KIF18A: variants seen among roughly 807,000 people sequenced by gnomAD.
The protein encoded by KIF18A is kinesin family member 18A.
A neutral mutation model predicts 103.3 loss-of-function variants in KIF18A; 67 were observed. The observed-to-expected ratio is 0.65, with a 90% CI of 0.53 to 0.79. The LOEUF (loss-of-function observed/expected upper bound fraction) is 0.79, where lower values mean the gene tolerates loss of function less well. Ranked by LOEUF, KIF18A falls within the 30% of genes least tolerant of loss-of-function variation. The probability of loss-of-function intolerance (pLI) is 0.00; values close to 1 mark genes in which losing one functional copy is unlikely to be tolerated. For missense variants in KIF18A, 1,032 were observed against 1,062.5 expected (o/e 0.97, Z 0.40); for synonymous variants, 367 against 355.5 (o/e 1.03, Z -0.36).
At chr11:28,036,761 AT>A in intron 13 of KIF18A, 97 bp from the exon 14 acceptor site, 2 of 655,066 alleles carry the variant, frequency 3.1e-6, no homozygotes, top group African/African-American at 1.8e-5. Flanking sequence ...ATAATAAGGT[AT>A]TTTTATGCCA....
chr11:28,046,699 TAAAAGAAAAAAA>T (rs1250208611), intron 13 of KIF18A, among the ~76,000 whole-genome samples: 2 of 37,316 alleles, frequency 5.4e-5, no homozygotes, highest in Non-Finnish European at 1.2e-4. Flanking sequence ...AGTATAATAA[TAAAAGAAAAAAA>T]AAAAGAAAAA....
At chr11:28,039,732 A>G (rs973542904) in intron 13 of KIF18A, among the ~76,000 whole-genome samples, 2 of 151,792 alleles carry the variant, frequency 1.3e-5, no homozygotes, top group African/African-American at 4.8e-5. Context: ...TTACAGTGAT[A>G]TATCTTTAGC....
At chr11:28,087,939 A>T (rs1317544338) in intron 6 of KIF18A, among the ~76,000 whole-genome samples, 1 of 152,186 alleles carries the variant, frequency 6.6e-6, no homozygotes, top group Non-Finnish European at 1.5e-5. Context: ...ATTTTTACAA[A>T]TATCTATGTT....
intron 6 of KIF18A, 82 bp from the exon 7 acceptor site, chr11:28,084,890 G>A: frequency 9.4e-7 from 1 of 1,069,496 alleles, no homozygotes. Flanking sequence ...TCACTGTGGG[G>A]GGAGGATTAC....
intron 10 of KIF18A, among the ~76,000 whole-genome samples, chr11:28,069,702 T>G (rs1296295691): frequency 6.6e-6 from 1 of 152,106 alleles, no homozygotes; most frequent in Non-Finnish European, 1.5e-5. Context: ...TTTTTTTTTT[T>G]TTGGCGTTAA....
chr11:28,046,022 A>G (rs999085978), intron 13 of KIF18A, among the ~76,000 whole-genome samples: 1 of 151,568 alleles, frequency 6.6e-6, no homozygotes, highest in African/African-American at 2.4e-5. Context: ...TAGAATGGCA[A>G]TCATTAAAAA....
intron 15 of KIF18A, among the ~76,000 whole-genome samples, chr11:28,034,697 C>T (rs960506412): frequency 2.6e-5 from 4 of 151,876 alleles, no homozygotes; most frequent in South Asian, 4.1e-4. Context: ...AGTAAGACAG[C>T]TGATAGCTCT....
At chr11:28,027,791 C>T (rs1850340502) in intron 15 of KIF18A, among the ~76,000 whole-genome samples, 1 of 151,912 alleles carries the variant, frequency 6.6e-6, no homozygotes, top group Admixed American at 6.6e-5. Flanking sequence ...CAATACCAAT[C>T]TTACTCAAAC....
chr11:28,052,381 C>T (rs919064480), intron 13 of KIF18A, among the ~76,000 whole-genome samples: 1 of 152,084 alleles, frequency 6.6e-6, no homozygotes. Context: ...TCTCTCTGAT[C>T]TCCTCACTAC....
At chr11:28,098,111 A>T in intron 1 of KIF18A, 118 bp from the exon 2 acceptor site, 1 of 559,596 alleles carries the variant, frequency 1.8e-6, no homozygotes, top group Non-Finnish European at 3.1e-6. Flanking sequence ...CACTAGGTAA[A>T]CACTGGGGGA....
intron 13 of KIF18A, among the ~76,000 whole-genome samples, chr11:28,048,419 CTT>C (rs1040278279): frequency 1.3e-5 from 2 of 152,008 alleles, no homozygotes; most frequent in African/African-American, 4.8e-5. Flanking sequence ...TTAAAAATGA[CTT>C]AAATTCATAT....
chr11:28,052,769 G>C (rs1850726481), intron 13 of KIF18A, among the ~76,000 whole-genome samples: 1 of 151,948 alleles, frequency 6.6e-6, no homozygotes, highest in Admixed American at 6.6e-5. Context: ...CCTATCATCA[G>C]ACAAGTGCCT....
chr11:28,087,545 C>T (rs1851244073), intron 6 of KIF18A, among the ~76,000 whole-genome samples: 1 of 152,100 alleles, frequency 6.6e-6, no homozygotes, highest in African/African-American at 2.4e-5. Flanking sequence ...CTGCAATAAA[C>T]ATAGGTGTGC....
chr11:28,038,019 T>C (rs951498813), intron 13 of KIF18A, among the ~76,000 whole-genome samples: 2 of 151,536 alleles, frequency 1.3e-5, no homozygotes, highest in African/African-American at 4.8e-5. Flanking sequence ...TTTTCTACCT[T>C]TTCCCTTGCA....
At chr11:28,067,993 A>C (rs2133536820) in intron 11 of KIF18A, among the ~76,000 whole-genome samples, 1 of 152,312 alleles carries the variant, frequency 6.6e-6, no homozygotes. Flanking sequence ...TGCTATTTAC[A>C]ATAGCAAAGA....
chr11:28,045,319 A>G (rs994819509), intron 13 of KIF18A, among the ~76,000 whole-genome samples: 2 of 152,036 alleles, frequency 1.3e-5, no homozygotes, highest in Non-Finnish European at 2.9e-5. Context: ...GCATCTTTCA[A>G]ATATTTCAAT....
chr11:28,046,716 GA>G (rs200881195), intron 13 of KIF18A, among the ~76,000 whole-genome samples: 2,036 of 114,570 alleles, frequency 0.018, 26 homozygotes, highest in South Asian at 0.054. Context: ...AAAAAAAAAA[GA>G]AAAAAAATAT....
In KIF18A at chr11:28,097,958, C is replaced by T. The variant is rs745623609; in HGVS notation, c.-11G>A. ...CTCAGTGACAGACATTGTTGATTATCTTGATTCCTATCTGTATAAATACTT... is the reference window on the plus strand; with the variant it reads ...CTCAGTGACAGACATTGTTGATTATTTTGATTCCTATCTGTATAAATACTT... On this transcript the variant is annotated 5_prime_UTR_variant, in exon 2 of 17. Transcript: ENST00000263181. 1.3e-6 allele frequency: 2 copies of T among 1,532,042 alleles called. No individual in the cohort carries two copies. Among genetic ancestry groups the T allele is most frequent in the Non-Finnish European group, 1.8e-6 (2 of 1,137,638 alleles). 94.9% of individuals were successfully genotyped at this position (1,532,042 alleles called of 1,614,324 possible). A position where few individuals can be genotyped will look rare whatever the true frequency, so the allele number is the denominator to read the frequency against.
At chr11:28,070,310 T>A (rs572016940) in intron 10 of KIF18A, among the ~76,000 whole-genome samples, 2 of 152,316 alleles carry the variant, frequency 1.3e-5, no homozygotes, top group East Asian at 3.9e-4. Flanking sequence ...GATGTACTAT[T>A]GAGACTTGGG....
Sources: allele counts gnomAD v4.1 joint callset (sites outside exome capture counted in the v4.1 genomes callset), GRCh38; gene constraint gnomAD v4.1.1; transcripts MANE v1.5; gene names NCBI Gene and HGNC (gene_info 2026-07-23, HGNC 2026-07-21).